The following DSE variants were observed in gnomAD, a reference collection of about 807,000 sequenced individuals.
The protein encoded by DSE is dermatan-sulfate epimerase.
DSE carries 36 observed loss-of-function variants against 84.4 expected under a neutral mutation model. That is an observed-to-expected ratio of 0.43 (90% CI 0.33 to 0.56). The LOEUF (loss-of-function observed/expected upper bound fraction) is 0.56. Among genes scored for constraint, DSE ranks in the 20% least tolerant of loss-of-function variants. The pLI, the probability that DSE is intolerant of heterozygous loss-of-function variation, is 0.06. For synonymous variants in DSE, 410 were observed against 430.1 expected (o/e 0.95, Z 0.58); for missense variants, 862 against 1,169.6 (o/e 0.74, Z 3.84).
At chr6:116,410,500 G>A (rs1022506179) in intron 2 of DSE, among the ~76,000 whole-genome samples, 1 of 152,164 alleles carries the variant, frequency 6.6e-6, no homozygotes, top group Admixed American at 6.5e-5. Context: ...TTGGTAGGCA[G>A]AGGCAGGCGG....
chr6:116,375,142 A>G (rs1302080041), intron 1 of DSE, among the ~76,000 whole-genome samples: 1 of 152,108 alleles, frequency 6.6e-6, no homozygotes, highest in Non-Finnish European at 1.5e-5. Context: ...AAGGAAAATT[A>G]TTTTCCTATG....
intron 1 of DSE, among the ~76,000 whole-genome samples, chr6:116,373,324 C>T (rs1779724955): frequency 6.6e-6 from 1 of 152,210 alleles, no homozygotes. Context: ...GATTGTGCCA[C>T]TGCACTCCAG....
rs11389417 is a variant in DSE, at chr6:116,430,787, C to CA, written c.671-165dup. On this transcript the variant is annotated intron_variant, in intron 3 of 5. Transcript: ENST00000644252. Reference sequence around the variant, plus strand: ...TCCTAACTTACATCATGGACTGTCACAACCTGGATTACAAGATGTTATTTA... The same window carrying CA: ...TCCTAACTTACATCATGGACTGTCACAAACCTGGATTACAAGATGTTATTTA... Among the ~76,000 whole-genome samples the CA allele has an allele frequency of 0.74, 112,670 of 152,118 alleles. 42,197 individuals carry two copies. The highest frequency in any genetic ancestry group is 0.79 in the African/African-American group (32,985 of 41,502).
intron 1 of DSE, among the ~76,000 whole-genome samples, chr6:116,381,626 A>G (rs893518580): frequency 1.1e-4 from 17 of 152,132 alleles, no homozygotes; most frequent in Admixed American, 1.0e-3. Flanking sequence ...TAACTGCATT[A>G]TGGGGCTGTG....
chr6:116,411,181 T>G (rs1782328501), intron 2 of DSE, among the ~76,000 whole-genome samples: 1 of 152,144 alleles, frequency 6.6e-6, no homozygotes, highest in Admixed American at 6.5e-5. Flanking sequence ...GTTGTGCGTG[T>G]GTGTGTCTCA....
At chr6:116,254,457 C>A (rs1001315624) in intron 1 of DSE, 3 of 338,668 alleles carry the variant, frequency 8.9e-6, no homozygotes, top group South Asian at 4.6e-5. Context: ...AACTCACAGG[C>A]CTTCCTTCTT....
At chr6:116,270,709 T>C (rs998687528) in intron 2 of DSE, among the ~76,000 whole-genome samples, 4 of 152,208 alleles carry the variant, frequency 2.6e-5, no homozygotes, top group African/African-American at 9.6e-5. Flanking sequence ...AAGCTACTTG[T>C]GAATGAATTA....
At chr6:116,405,454 C>T (rs943716455) in intron 2 of DSE, among the ~76,000 whole-genome samples, 1 of 152,146 alleles carries the variant, frequency 6.6e-6, no homozygotes, top group Non-Finnish European at 1.5e-5. Context: ...TGTCAGAAAA[C>T]CCAGCCTCTA....
In DSE at chr6:116,279,387, C is replaced by G. The variant is rs762460403; in HGVS notation, c.-54+20420C>G. 18 of 1,612,936 alleles carry G rather than the reference C, an allele frequency of 1.1e-5. No individual in the cohort carries two copies. The Admixed American group carries it at 3.0e-4, about 27-fold the overall frequency. Reference sequence around the variant, plus strand: ...TCTTCACCTCCTCCGCCTCAGCCTCCGCCCCCGCCGTCAGCTCAGACGCGG... The same window carrying G: ...TCTTCACCTCCTCCGCCTCAGCCTCGGCCCCCGCCGTCAGCTCAGACGCGG... On this transcript the variant is annotated intron_variant, in intron 2 of 3. Transcript: ENST00000430252.
intron 2 of DSE, among the ~76,000 whole-genome samples, chr6:116,309,336 A>G (rs1775530236): frequency 6.6e-6 from 1 of 152,064 alleles, no homozygotes; most frequent in African/African-American, 2.4e-5. Context: ...ACATACATAC[A>G]TACATACACA....
rs953029145 is a variant in DSE at position 116,399,439 on chromosome 6, G to A, written c.189G>A (p.Ser63=). The change falls in exon 2 of 6, where the codon TCG becomes TCA. Residue 63 remains serine (S), a synonymous_variant. Transcript: ENST00000644252. ...VAELQLRAAS[S]HEHIAARLTE... is the part of the protein sequence containing the mutation. ...AGCTGCAGCTCAGGGCTGCCAGCTC[G>A]CACGAGCACATTGCAGCCCGCCTCA... is the stretch of plus-strand genomic sequence containing the variant. 12 of 1,614,084 alleles carry A rather than the reference G, an allele frequency of 7.4e-6. No individual in the cohort carries two copies. In the Admixed American group the frequency reaches 1.0e-4, roughly 13 times the overall value.
rs1344981319 is a variant in DSE at position 116,396,288 on chromosome 6, G to A, written c.-53-2910G>A. ...ACCGAAACAGTCCGGTGTGATATAG[G>A]TATGTGCCAGATACAAGAGAGATCA... On this transcript the variant is annotated intron_variant, in intron 1 of 5. Transcript: ENST00000644252. Among the ~76,000 whole-genome samples the A allele has an allele frequency of 2.6e-5, 4 of 152,270 alleles. No homozygotes were observed. The East Asian group carries it at 7.7e-4, about 29-fold the overall frequency.
intron 1 of DSE, among the ~76,000 whole-genome samples, chr6:116,379,525 C>T (rs1266414833): frequency 6.6e-6 from 1 of 151,882 alleles, no homozygotes; most frequent in African/African-American, 2.4e-5. Flanking sequence ...TAATGAGAAC[C>T]CAAGAGAAAT....
chr6:116,430,666 C>T (rs1192035657), intron 3 of DSE, among the ~76,000 whole-genome samples: 1 of 152,182 alleles, frequency 6.6e-6, no homozygotes, highest in Non-Finnish European at 1.5e-5. Context: ...CTCAGCCCCC[C>T]AAGTAGCTGG....
intron 2 of DSE, among the ~76,000 whole-genome samples, chr6:116,362,536 T>C (rs943153298): frequency 6.6e-6 from 1 of 152,228 alleles, no homozygotes; most frequent in Non-Finnish European, 1.5e-5. Context: ...CGTGAGAACA[T>C]AGGCTACTGT....
intron 1 of DSE, among the ~76,000 whole-genome samples, chr6:116,390,607 T>C (rs1401467902): frequency 6.6e-6 from 1 of 152,202 alleles, no homozygotes; most frequent in Non-Finnish European, 1.5e-5. Flanking sequence ...GAAAATAATT[T>C]AGAATAGTGT....
intron 1 of DSE, among the ~76,000 whole-genome samples, chr6:116,390,832 C>G (rs1780857210): frequency 6.6e-6 from 1 of 152,174 alleles, no homozygotes. Context: ...TATCTCTACC[C>G]TCGTTTCCCT....
In DSE at chr6:116,443,512, C is replaced by T. The variant is rs931626887; in HGVS notation, c.*6167C>T. ...TAGACTGGAAAAGTAGACCAGGCTC[C>T]AGGGCAGGAGGGTCTCTTTTCCTCA... On this transcript the variant is annotated 3_prime_UTR_variant, in exon 6 of 6. Transcript: ENST00000644252. 4.6e-5 allele frequency: 7 copies of T among 152,144 alleles called. No homozygotes were observed. The highest frequency in any genetic ancestry group is 1.0e-4 in the Non-Finnish European group (7 of 68,028). 9.4% of individuals were successfully genotyped at this position (152,144 alleles called of 1,614,324 possible). A position where few individuals can be genotyped will look rare whatever the true frequency, so the allele number is the denominator to read the frequency against.
intron 5 of DSE, among the ~76,000 whole-genome samples, chr6:116,434,770 C>G (rs969794948): frequency 6.6e-6 from 1 of 152,152 alleles, no homozygotes; most frequent in African/African-American, 2.4e-5. Context: ...AACTGAGACT[C>G]TAGAACAACA....
Sources: gnomAD v4.1 joint callset for allele counts (sites outside exome capture counted in the v4.1 genomes callset) on GRCh38, gnomAD v4.1.1 for gene constraint, MANE v1.5 for transcripts, NCBI Gene and HGNC (gene_info 2026-07-23, HGNC 2026-07-21) for gene names.